TXNRD1: variants seen among roughly 807,000 people sequenced by gnomAD.
TXNRD1 encodes thioredoxin reductase 1.
TXNRD1 carries 57 observed loss-of-function variants against 80.3 expected under a neutral mutation model. The ratio of observed to expected loss-of-function variants is 0.71; its 90% CI spans 0.57 to 0.89. TXNRD1 has a LOEUF of 0.89. Among genes scored for constraint, TXNRD1 ranks in the 40% least tolerant of loss-of-function variants. The probability of loss-of-function intolerance (pLI) is 0.00; values close to 1 mark genes in which losing one functional copy is unlikely to be tolerated. For synonymous variants in TXNRD1, 291 were observed against 285.2 expected, an observed-to-expected ratio of 1.02 and a Z score of -0.20; for missense variants, 730 against 803.0, an observed-to-expected ratio of 0.91 and a Z score of 1.10.
At chr12:104,234,318 G>A (rs978517599) in intron 1 of TXNRD1, among the ~76,000 whole-genome samples, 7 of 151,860 alleles carry the variant, frequency 4.6e-5, no homozygotes, top group South Asian at 2.1e-4. Context: ...TTTTTGAGAC[G>A]AAGTCTCACT....
intron 1 of TXNRD1, among the ~76,000 whole-genome samples, chr12:104,221,179 C>T (rs1356708793): frequency 6.6e-6 from 1 of 152,128 alleles, no homozygotes; most frequent in Non-Finnish European, 1.5e-5. Flanking sequence ...GGGAGGATCG[C>T]ATGAGCGTGG....
intron 4 of TXNRD1, among the ~76,000 whole-genome samples, chr12:104,296,280 T>A (rs2034433368): frequency 1.3e-5 from 2 of 152,238 alleles, no homozygotes; most frequent in Admixed American, 1.3e-4. Context: ...TGCTGGCATA[T>A]GGTAGGTGTT....
intron 3 of TXNRD1, among the ~76,000 whole-genome samples, chr12:104,267,799 T>TTCC (rs1565870433): frequency 9.9e-5 from 14 of 140,924 alleles, no homozygotes; most frequent in Admixed American, 2.9e-4. Flanking sequence ...TCCTTCCTTC[T>TTCC]TTCCTTCCTT....
intron 3 of TXNRD1, among the ~76,000 whole-genome samples, chr12:104,272,665 G>T (rs377735830): frequency 6.6e-6 from 1 of 151,788 alleles, no homozygotes; most frequent in Non-Finnish European, 1.5e-5. Flanking sequence ...GGTGGCGGGC[G>T]CCTGTAGTCC....
At position 104,254,644 on chromosome 12, in the gene TXNRD1, A is replaced by AAAAAAATAT; in HGVS notation, c.243+2967_243+2968insAAAAATATA. On this transcript the variant is annotated intron_variant, in intron 2 of 16. Transcript: ENST00000525566. ...CTATGTCTATGGAAAAAAAAAAAAA[A>AAAAAAATAT]ATATATATATATATATATATATCAG... Among the ~76,000 whole-genome samples, 95 of 93,604 alleles carry AAAAAAATAT rather than the reference A, an allele frequency of 1.0e-3. 6 individuals carry two copies. Among genetic ancestry groups the AAAAAAATAT allele is most frequent in the South Asian group, 9.6e-3 (27 of 2,810 alleles). The allele number at this position is 93,604 out of a possible 152,430, so 61.4% of individuals were successfully genotyped here. A position where few individuals can be genotyped will look rare whatever the true frequency, so the allele number is the denominator to read the frequency against.
chr12:104,304,297 C>T (rs2034786232), intron 4 of TXNRD1: 6 of 1,614,002 alleles, frequency 3.7e-6, no homozygotes, highest in Non-Finnish European at 1.7e-6. Flanking sequence ...CATTTTGTGA[C>T]TTTCTGTTTC....
chr12:104,301,957 A>G (rs2034642819), intron 4 of TXNRD1, among the ~76,000 whole-genome samples: 1 of 152,214 alleles, frequency 6.6e-6, no homozygotes, highest in Non-Finnish European at 1.5e-5. Context: ...TTTGCTGCCA[A>G]ATAACTTGCA....
At chr12:104,218,174 C>A (rs544073727) in intron 1 of TXNRD1, among the ~76,000 whole-genome samples, 1 of 151,858 alleles carries the variant, frequency 6.6e-6, no homozygotes, top group African/African-American at 2.4e-5. Flanking sequence ...ATTACAGGCC[C>A]GCCACCATGC....
chr12:104,258,584 CT>C (rs772832943), intron 3 of TXNRD1, among the ~76,000 whole-genome samples: 8 of 152,084 alleles, frequency 5.3e-5, no homozygotes, highest in Non-Finnish European at 1.5e-5. Flanking sequence ...CATGGTGCTC[CT>C]TTTTTGTGGG....
chr12:104,320,877 G>A (rs1322109137), intron 9 of TXNRD1, among the ~76,000 whole-genome samples: 25 of 152,108 alleles, frequency 1.6e-4, no homozygotes, highest in Admixed American at 1.6e-3. Flanking sequence ...GTTTAGCTAT[G>A]GGTAGCTTGA....
chr12:104,319,370 A>G, intron 8 of TXNRD1, 100 bp from the exon 9 acceptor site: 1 of 767,530 alleles, frequency 1.3e-6, no homozygotes, highest in Non-Finnish European at 2.2e-6. Flanking sequence ...CATTATGAGG[A>G]TGAAATGAGA....
rs1311457932 is a variant in TXNRD1 at position 104,289,056 on chromosome 12, G to A, written c.414+16G>A. On this transcript the variant is annotated intron_variant, in intron 4 of 16. Coordinates refer to ENST00000525566, the MANE Select transcript of TXNRD1 (RefSeq NM_001093771.3). Reference sequence around the variant, plus strand: ...AACCTTGAAGGTAGGAGAGAGTAACGTATCTTTTTAAACGGGGGATGAGCT... The same window carrying A: ...AACCTTGAAGGTAGGAGAGAGTAACATATCTTTTTAAACGGGGGATGAGCT... The A allele has an allele frequency of 1.2e-6, 2 of 1,606,450 alleles. No homozygotes were observed. Among genetic ancestry groups the A allele is most frequent in the Non-Finnish European group, 1.7e-6 (2 of 1,174,268 alleles).
At chr12:104,307,272 A>G (rs2034954491) in intron 4 of TXNRD1, among the ~76,000 whole-genome samples, 1 of 152,220 alleles carries the variant, frequency 6.6e-6, no homozygotes, top group South Asian at 2.1e-4. Context: ...TAGAAATAAC[A>G]TTATGCTAGT....
Position 104,258,076 on chromosome 12 carries a change from A to G in TXNRD1, c.301A>G (p.Thr101Ala), listed in dbSNP as rs1172931909. 6.5e-7 allele frequency: 1 copy of G among 1,548,278 alleles called. No homozygotes were observed. The highest frequency in any genetic ancestry group is 2.0e-5 in the Admixed American group (1 of 50,584). Residue 101 changes from threonine to alanine, a missense_variant, in exon 3 of 17, where the codon ACA becomes GCA. Coordinates refer to ENST00000525566, the MANE Select transcript of TXNRD1 (RefSeq NM_001093771.3). ...TTATTTTGTGCTTGAACTTGATCAA[A>G]CAGGTAAGTTTCTGTTTAATATGTA... ...VPYFVLELDQ[T>A]EDGRALEGTL...
intron 1 of TXNRD1, among the ~76,000 whole-genome samples, chr12:104,235,218 C>T (rs1268724716): frequency 1.3e-5 from 2 of 152,170 alleles, no homozygotes; most frequent in African/African-American, 4.8e-5. Context: ...TGTGTCCGAT[C>T]CCCATTGGTT....
intron 4 of TXNRD1, chr12:104,304,249 G>A: frequency 6.2e-7 from 1 of 1,614,030 alleles, no homozygotes; most frequent in Non-Finnish European, 8.5e-7. Context: ...AAAAGGCAAA[G>A]CAGTTAAACT....
chr12:104,325,476 T>C, intron 11 of TXNRD1, 47 bp downstream of exon 11: 1 of 1,357,204 alleles, frequency 7.4e-7, no homozygotes, highest in African/African-American at 1.4e-5. Context: ...GCAAATAACA[T>C]GCTTATTGGG....
At chr12:104,272,190 G>A (rs1253832841) in intron 3 of TXNRD1, among the ~76,000 whole-genome samples, 1 of 152,164 alleles carries the variant, frequency 6.6e-6, no homozygotes, top group Admixed American at 6.5e-5. Context: ...ACGGAGCAAT[G>A]GTGAGCACAC....
chr12:104,299,553 G>A (rs1293835092), intron 4 of TXNRD1, among the ~76,000 whole-genome samples: 1 of 152,002 alleles, frequency 6.6e-6, no homozygotes, highest in Non-Finnish European at 1.5e-5. Context: ...CGGATCACGA[G>A]GTCAGGAGTT....
Sources: gnomAD v4.1 joint callset for allele counts (sites outside exome capture counted in the v4.1 genomes callset) on GRCh38, gnomAD v4.1.1 for gene constraint, MANE v1.5 for transcripts, NCBI Gene and HGNC (gene_info 2026-07-23, HGNC 2026-07-21) for gene names.